HLCS: variants seen among roughly 807,000 people sequenced by gnomAD.
HLCS encodes biotin--protein ligase.
Under a neutral mutation model 75.0 loss-of-function variants are expected in HLCS, and 53 were observed. That is an observed-to-expected ratio of 0.71 (90% confidence interval 0.57 to 0.89). The LOEUF (loss-of-function observed/expected upper bound fraction) is 0.89, where lower values mean the gene tolerates loss of function less well. Ranked by LOEUF, HLCS falls within the 40% of genes least tolerant of loss-of-function variation. HLCS has a pLI of 0.00. For missense variants in HLCS, 966 were observed against 1,074.0 expected (o/e 0.90, Z 1.41); for synonymous variants, 431 against 428.6 (o/e 1.01, Z -0.07).
intron 2 of HLCS, among the ~76,000 whole-genome samples, chr21:36,952,902 C>T (rs899311943): frequency 6.6e-6 from 1 of 151,596 alleles, no homozygotes; most frequent in Admixed American, 6.6e-5. Flanking sequence ...GACAGAGATG[C>T]TAATTATCTC....
intron 6 of HLCS, among the ~76,000 whole-genome samples, chr21:36,837,373 GC>G (rs201042538): frequency 0.011 from 1,683 of 152,154 alleles, 30 homozygotes; most frequent in Non-Finnish European, 0.016. Flanking sequence ...CTGCTAATAG[GC>G]AACTCGAAAT....
At chr21:36,777,522 T>G (rs2060396519) in intron 6 of HLCS, among the ~76,000 whole-genome samples, 2 of 152,270 alleles carry the variant, frequency 1.3e-5, no homozygotes, top group South Asian at 4.1e-4. Flanking sequence ...TTTTTTCTGG[T>G]CTAAGATCAA....
chr21:36,966,425 G>GCGGC lies in HLCS; in HGVS notation c.195+18_195+19insGCCG. The GCGGC allele has an allele frequency of 5.1e-6, 1 of 195,440 alleles. No individual in the cohort carries two copies. The highest frequency in any genetic ancestry group is 8.6e-6 in the Non-Finnish European group (1 of 116,692). 12.1% of individuals were successfully genotyped at this position (195,440 alleles called of 1,614,324 possible). On this transcript the variant is annotated intron_variant, in intron 1 of 10. Transcript: ENST00000674895. ...CCGGCTCGCGGGGCCCGGGTCGCCC[G>GCGGC]CCCGCCCGACCCGCCCACCTGGCTG...
Position 36,931,837 on chromosome 21 carries a change from G to T in HLCS, c.1438-1404C>A, listed in dbSNP as rs201820143. On this transcript the variant is annotated intron_variant, in intron 4 of 10. Coordinates refer to ENST00000674895, the MANE Select transcript of HLCS (RefSeq NM_001352514.2). ...GTTTCACTCAAAGTCATTTTGTTAT[G>T]ATGTTGATGAGGGGAAAAAGAAATC... Among the ~76,000 whole-genome samples, 3 of 152,244 alleles carry T rather than the reference G, an allele frequency of 2.0e-5. No homozygotes were observed. In the East Asian group the frequency reaches 5.8e-4, roughly 29 times the overall value.
chr21:36,805,256 C>A (rs564119237), intron 6 of HLCS, among the ~76,000 whole-genome samples: 1 of 148,900 alleles, frequency 6.7e-6, no homozygotes, highest in African/African-American at 2.6e-5. Flanking sequence ...AAAAAAATTT[C>A]TCTCTCGGTT....
At chr21:36,890,491 C>T (rs2064735361) in intron 6 of HLCS, among the ~76,000 whole-genome samples, 1 of 152,028 alleles carries the variant, frequency 6.6e-6, no homozygotes, top group South Asian at 2.1e-4. Context: ...CAAGCGGCAC[C>T]CACATTGCCC....
chr21:36,929,625 GACA>G (rs200758150), intron 5 of HLCS, among the ~76,000 whole-genome samples: 1,664 of 152,260 alleles, frequency 0.011, 27 homozygotes, highest in African/African-American at 0.038. Flanking sequence ...GTTCAGAGAA[GACA>G]ACAGAAATAG....
intron 6 of HLCS, among the ~76,000 whole-genome samples, chr21:36,791,879 A>G (rs2060877300): frequency 6.6e-6 from 1 of 152,176 alleles, no homozygotes; most frequent in Admixed American, 6.5e-5. Flanking sequence ...AAAGGAAAAA[A>G]GAACAACCAA....
chr21:36,951,428 CAG>C (rs943705140), intron 2 of HLCS, among the ~76,000 whole-genome samples: 5 of 152,212 alleles, frequency 3.3e-5, no homozygotes, highest in Non-Finnish European at 5.9e-5. Flanking sequence ...CCTTAAACCT[CAG>C]ACATCATCTA....
intron 2 of HLCS, among the ~76,000 whole-genome samples, chr21:36,950,277 T>A (rs2067608376): frequency 6.6e-6 from 1 of 152,186 alleles, no homozygotes; most frequent in Admixed American, 6.5e-5. Flanking sequence ...TATGTCCAAT[T>A]TGAGTATATT....
intron 6 of HLCS, among the ~76,000 whole-genome samples, chr21:36,814,293 C>T (rs2061596043): frequency 6.6e-6 from 1 of 152,188 alleles, no homozygotes; most frequent in Non-Finnish European, 1.5e-5. Flanking sequence ...TATACTTTGT[C>T]TATGGTCACT....
At chr21:36,758,818 TA>T (rs1443514643) in intron 9 of HLCS, among the ~76,000 whole-genome samples, 1 of 151,956 alleles carries the variant, frequency 6.6e-6, no homozygotes, top group African/African-American at 2.4e-5. Flanking sequence ...CTGTGTCTAC[TA>T]AAAATACAAA....
intron 6 of HLCS, among the ~76,000 whole-genome samples, chr21:36,817,470 T>C (rs904945811): frequency 3.3e-5 from 5 of 152,180 alleles, no homozygotes; most frequent in African/African-American, 9.7e-5. Flanking sequence ...AAAAACATTT[T>C]CTTCTAAGAT....
At chr21:36,771,300 C>T (rs1649980195) in intron 6 of HLCS, among the ~76,000 whole-genome samples, 2 of 151,744 alleles carry the variant, frequency 1.3e-5, no homozygotes, top group South Asian at 4.2e-4. Context: ...TTTGCAGTAC[C>T]CATTTCATTA....
chr21:36,974,722 G>C (rs900465434), intron 1 of HLCS: 7 of 152,172 alleles, frequency 4.6e-5, no homozygotes, highest in African/African-American at 1.7e-4. Context: ...ACATGCACAG[G>C]GGGACAATCC....
At chr21:36,756,252 C>T (rs915024923) in intron 10 of HLCS, among the ~76,000 whole-genome samples, 11 of 148,186 alleles carry the variant, frequency 7.4e-5, no homozygotes, top group East Asian at 3.9e-4. Context: ...TCCTGGCTAA[C>T]ACGGTGAAAC....
At chr21:36,793,650 GGAGT>G (rs1282023306) in intron 6 of HLCS, among the ~76,000 whole-genome samples, 1 of 152,078 alleles carries the variant, frequency 6.6e-6, no homozygotes, top group Non-Finnish European at 1.5e-5. Context: ...GCAAAAAAGT[GGAGT>G]GAGTAAGCTG....
chr21:36,836,363 C>A (rs2062411169), intron 6 of HLCS, among the ~76,000 whole-genome samples: 1 of 151,920 alleles, frequency 6.6e-6, no homozygotes, highest in Admixed American at 6.6e-5. Flanking sequence ...GCACAATGTG[C>A]AGGTTAGTTA....
intron 6 of HLCS, among the ~76,000 whole-genome samples, chr21:36,808,603 T>C (rs2061425114): frequency 6.6e-6 from 1 of 152,218 alleles, no homozygotes; most frequent in South Asian, 2.1e-4. Context: ...ATGTATCTCA[T>C]CTATAGATGT....
Sources: allele counts gnomAD v4.1 joint callset (sites outside exome capture counted in the v4.1 genomes callset), GRCh38; gene constraint gnomAD v4.1.1; transcripts MANE v1.5; gene names NCBI Gene and HGNC (gene_info 2026-07-23, HGNC 2026-07-21).